Variants in GRIK2 observed in about 807,000 individuals in gnomAD.
The protein encoded by GRIK2 is glutamate receptor ionotropic, kainate 2.
GRIK2 carries 32 observed loss-of-function variants against 100.3 expected under a neutral mutation model. That is an observed-to-expected ratio of 0.32 (90% CI 0.24 to 0.43). The LOEUF (loss-of-function observed/expected upper bound fraction) is 0.43. Among genes scored for constraint, GRIK2 ranks in the 20% least tolerant of loss-of-function variants. GRIK2 has a pLI of 1.00. For missense variants in GRIK2, 843 were observed against 1,114.9 expected (o/e 0.76, Z 3.47); for synonymous variants, 417 against 389.4 (o/e 1.07, Z -0.83).
intron 7 of GRIK2, among the ~76,000 whole-genome samples, chr6:101,755,503 A>T (rs1239888168): frequency 6.6e-6 from 1 of 152,062 alleles, no homozygotes; most frequent in African/African-American, 2.4e-5. Flanking sequence ...TAGCCATATT[A>T]TATGAGTTCA....
At chr6:101,930,652 T>C (rs1437581595) in intron 14 of GRIK2, among the ~76,000 whole-genome samples, 2 of 152,068 alleles carry the variant, frequency 1.3e-5, no homozygotes, top group African/African-American at 4.8e-5. Flanking sequence ...TTTTGAAAAA[T>C]CAGTTACCAA....
At chr6:101,736,435 A>G (rs1401694435) in intron 7 of GRIK2, among the ~76,000 whole-genome samples, 1 of 152,136 alleles carries the variant, frequency 6.6e-6, no homozygotes, top group Non-Finnish European at 1.5e-5. Context: ...GTTTCCATAC[A>G]TCTTCTGAAA....
chr6:102,033,821 CTG>C (rs2114419650), intron 14 of GRIK2, among the ~76,000 whole-genome samples: 1 of 151,388 alleles, frequency 6.6e-6, no homozygotes, highest in East Asian at 2.0e-4. Flanking sequence ...CACCAATTAA[CTG>C]TTAGTATTGT....
intron 2 of GRIK2, among the ~76,000 whole-genome samples, chr6:101,612,316 T>A (rs1779716085): frequency 6.6e-6 from 1 of 151,876 alleles, no homozygotes. Context: ...AACTTAAATA[T>A]TATTATATTC....
intron 2 of GRIK2, among the ~76,000 whole-genome samples, chr6:101,621,371 T>A (rs1022751414): frequency 6.6e-6 from 1 of 152,094 alleles, no homozygotes; most frequent in Non-Finnish European, 1.5e-5. Context: ...GAGGATCACC[T>A]GAGCCCAAGG....
Position 101,512,589 on chromosome 6 carries a change from G to A in GRIK2, c.116-109360G>A, listed in dbSNP as rs534156107. Reference sequence around the variant, plus strand: ...CTAAACTTAAACATTTCTGGCAAATGTGTTCAAAATGCTGTCAAATATGTC... The same window carrying A: ...CTAAACTTAAACATTTCTGGCAAATATGTTCAAAATGCTGTCAAATATGTC... On this transcript the variant is annotated intron_variant, in intron 2 of 16. Coordinates refer to ENST00000369134, the MANE Select transcript of GRIK2 (RefSeq NM_021956.5). Among the ~76,000 whole-genome samples, 7 of 152,206 alleles carry A rather than the reference G, an allele frequency of 4.6e-5. No homozygotes were observed. The East Asian group carries it at 7.7e-4, about 17-fold the overall frequency.
intron 4 of GRIK2, among the ~76,000 whole-genome samples, chr6:101,629,889 C>T (rs532394081): frequency 4.6e-5 from 7 of 152,108 alleles, no homozygotes; most frequent in African/African-American, 1.7e-4. Flanking sequence ...TTGTAGTCTC[C>T]AGTGTCTATT....
At chr6:101,419,936 C>A (rs990303716) in intron 2 of GRIK2, among the ~76,000 whole-genome samples, 1 of 152,158 alleles carries the variant, frequency 6.6e-6, no homozygotes, top group African/African-American at 2.4e-5. Context: ...CCTCAAGCAG[C>A]CTTTCCTAAT....
At chr6:101,411,621 C>T (rs1000655409) in intron 2 of GRIK2, among the ~76,000 whole-genome samples, 22 of 152,062 alleles carry the variant, frequency 1.4e-4, no homozygotes, top group Middle Eastern at 3.4e-3. Context: ...CATCAGCTTT[C>T]GGAATTAGCA....
At chr6:101,457,521 A>C (rs1174137482) in intron 2 of GRIK2, among the ~76,000 whole-genome samples, 5 of 152,092 alleles carry the variant, frequency 3.3e-5, no homozygotes, top group African/African-American at 2.4e-5. Flanking sequence ...TTCTGATGGA[A>C]TATTTAATTT....
chr6:101,565,719 A>G (rs1178436871), intron 2 of GRIK2, among the ~76,000 whole-genome samples: 2 of 151,724 alleles, frequency 1.3e-5, no homozygotes, highest in Non-Finnish European at 2.9e-5. Context: ...CCCTTGAACA[A>G]TGCAGGGGAT....
intron 2 of GRIK2, among the ~76,000 whole-genome samples, chr6:101,439,239 C>G (rs1769910233): frequency 6.6e-6 from 1 of 152,054 alleles, no homozygotes; most frequent in Admixed American, 6.6e-5. Context: ...GGGCACTAAT[C>G]CCTTACCCAG....
intron 2 of GRIK2, among the ~76,000 whole-genome samples, chr6:101,582,882 C>T (rs1311362819): frequency 1.3e-5 from 2 of 151,564 alleles, no homozygotes; most frequent in Non-Finnish European, 1.5e-5. Flanking sequence ...ACTTTTCTAA[C>T]CTCTTTCTTG....
At position 101,900,723 on chromosome 6, in the gene GRIK2, A is replaced by C. The variant is rs145000889; in HGVS notation, c.1748+10860A>C. Among the ~76,000 whole-genome samples the C allele has an allele frequency of 1.1e-4, 17 of 152,242 alleles. No individual in the cohort carries two copies. In the East Asian group the frequency reaches 3.1e-3, roughly 28 times the overall value. ...TGTTATAAAAATTATTTTTATAGGT[A>C]AAATTTCCTGCAAAAAAGAAAACTT... On this transcript the variant is annotated intron_variant, in intron 12 of 16. Transcript: ENST00000369134.
chr6:102,014,721 C>G (rs1265867701), intron 14 of GRIK2, among the ~76,000 whole-genome samples: 4 of 152,080 alleles, frequency 2.6e-5, no homozygotes, highest in South Asian at 4.1e-4. Context: ...CATGTTGTTT[C>G]ATTTCCATCT....
At chr6:101,903,982 T>C (rs2128462709) in intron 12 of GRIK2, among the ~76,000 whole-genome samples, 1 of 151,618 alleles carries the variant, frequency 6.6e-6, no homozygotes, top group African/African-American at 2.4e-5. Context: ...TATTAACAAA[T>C]TAAAGGCTCT....
At chr6:101,965,399 C>A (rs951581379) in intron 14 of GRIK2, among the ~76,000 whole-genome samples, 1 of 152,234 alleles carries the variant, frequency 6.6e-6, no homozygotes, top group Non-Finnish European at 1.5e-5. Context: ...ATATCCAAAT[C>A]TGTCACTCTC....
chr6:101,896,244 T>A (rs921530471), intron 12 of GRIK2, among the ~76,000 whole-genome samples: 5 of 151,628 alleles, frequency 3.3e-5, no homozygotes, highest in African/African-American at 1.2e-4. Context: ...ATAAATATGG[T>A]ATTGAGGTAA....
At chr6:101,464,654 C>T (rs1003014286) in intron 2 of GRIK2, among the ~76,000 whole-genome samples, 1 of 151,040 alleles carries the variant, frequency 6.6e-6, no homozygotes, top group African/African-American at 2.4e-5. Context: ...ATAGCTGGGA[C>T]TACAGGCACT....
Sources: allele counts gnomAD v4.1 joint callset (sites outside exome capture counted in the v4.1 genomes callset), GRCh38; gene constraint gnomAD v4.1.1; transcripts MANE v1.5; gene names NCBI Gene and HGNC (gene_info 2026-07-23, HGNC 2026-07-21).